The following ZNF704 variants were observed in gnomAD, a reference collection of about 807,000 sequenced individuals.
The protein encoded by ZNF704 is glucocorticoid induced gene 1.
In ZNF704, 10 loss-of-function variants were observed where a neutral mutation model predicts 44.7. The ratio of observed to expected loss-of-function variants is 0.22; its 90% CI spans 0.14 to 0.38. The LOEUF (loss-of-function observed/expected upper bound fraction) is 0.38, where lower values mean the gene tolerates loss of function less well. Ranked by LOEUF, ZNF704 falls within the 10% of genes least tolerant of loss-of-function variation. The pLI, the probability that ZNF704 is intolerant of heterozygous loss-of-function variation, is 1.00. For missense variants in ZNF704, 390 were observed against 545.5 expected (o/e 0.71, Z 2.84); for synonymous variants, 211 against 207.6 (o/e 1.02, Z -0.14).
intron 2 of ZNF704, among the ~76,000 whole-genome samples, chr8:80,816,660 T>A (rs913900111): frequency 6.6e-6 from 1 of 152,212 alleles, no homozygotes; most frequent in African/African-American, 2.4e-5. Flanking sequence ...CCCAACCCAA[T>A]TACTGCTCTC....
At chr8:80,688,041 A>T (rs1585953893) in intron 3 of ZNF704, among the ~76,000 whole-genome samples, 1 of 152,082 alleles carries the variant, frequency 6.6e-6, no homozygotes, top group African/African-American at 2.4e-5. Context: ...CCCTGTCTGT[A>T]CAGAAAAAAT....
intron 2 of ZNF704, among the ~76,000 whole-genome samples, chr8:80,729,876 T>C (rs932527181): frequency 4.6e-5 from 7 of 152,220 alleles, no homozygotes; most frequent in Non-Finnish European, 8.8e-5. Flanking sequence ...AGAGTTTGAT[T>C]ACTGCCGGAA....
At chr8:80,732,472 T>C (rs1036648675) in intron 2 of ZNF704, among the ~76,000 whole-genome samples, 3 of 152,230 alleles carry the variant, frequency 2.0e-5, no homozygotes, top group Admixed American at 6.5e-5. Context: ...CTTGGATTTC[T>C]AGTTCTGAGG....
chr8:80,645,557 ATTCCC>A (rs1817817133), intron 7 of ZNF704, among the ~76,000 whole-genome samples: 1 of 151,996 alleles, frequency 6.6e-6, no homozygotes, highest in Non-Finnish European at 1.5e-5. Context: ...AGCTTGGACC[ATTCCC>A]TTGGTGATAT....
chr8:80,702,712 A>G (rs1818831430), intron 2 of ZNF704, among the ~76,000 whole-genome samples: 1 of 152,160 alleles, frequency 6.6e-6, no homozygotes, highest in East Asian at 1.9e-4. Context: ...GGTTATGAGT[A>G]GGAAGGAGAT....
rs79478243 is a variant in ZNF704, at chr8:80,869,359, T to G, written c.-22+5212A>C. On this transcript the variant is annotated intron_variant, in intron 1 of 8. Transcript: ENST00000327835. Reference sequence around the variant, plus strand: ...ATTCATCTCCCTAGTACATTTGCTCTCAATGCCTTCAGCTCTTACTTCAAA... The same window carrying G: ...ATTCATCTCCCTAGTACATTTGCTCGCAATGCCTTCAGCTCTTACTTCAAA... Among the ~76,000 whole-genome samples the G allele has an allele frequency of 5.2e-3, 793 of 152,332 alleles. 6 individuals are homozygous for G. The highest frequency in any genetic ancestry group is 0.018 in the African/African-American group (751 of 41,558).
intron 2 of ZNF704, among the ~76,000 whole-genome samples, chr8:80,700,718 T>A (rs1328353344): frequency 1.3e-5 from 2 of 152,190 alleles, no homozygotes; most frequent in African/African-American, 4.8e-5. Context: ...ATGTTAACAA[T>A]TGTTGAAGCC....
At chr8:80,851,411 T>C (rs1293699724) in intron 1 of ZNF704, among the ~76,000 whole-genome samples, 3 of 152,192 alleles carry the variant, frequency 2.0e-5, no homozygotes, top group African/African-American at 4.8e-5. Context: ...GATGAGTTCA[T>C]GTCCTTTGTA....
At chr8:80,754,768 T>G (rs967931639) in intron 2 of ZNF704, among the ~76,000 whole-genome samples, 8 of 152,172 alleles carry the variant, frequency 5.3e-5, no homozygotes, top group Non-Finnish European at 1.0e-4. Context: ...TGAGCAGAAG[T>G]GACATGTGTT....
At chr8:80,758,043 T>C (rs1807066255) in intron 2 of ZNF704, among the ~76,000 whole-genome samples, 1 of 152,358 alleles carries the variant, frequency 6.6e-6, no homozygotes, top group Non-Finnish European at 1.5e-5. Flanking sequence ...GATACACTCA[T>C]TGTCCAGACT....
rs543934942 is a variant in ZNF704 at position 80,645,964 on chromosome 8, T to G, written c.1033-2835A>C. On this transcript the variant is annotated intron_variant, in intron 7 of 8. Coordinates refer to ENST00000327835, the MANE Select transcript of ZNF704 (RefSeq NM_001033723.3). Reference sequence around the variant, plus strand: ...GGTGATTAGGCTATGAGGGCTCCACTCCCATGGGTGGGATTAGTGTTCTGC... The same window carrying G: ...GGTGATTAGGCTATGAGGGCTCCACGCCCATGGGTGGGATTAGTGTTCTGC... Among the ~76,000 whole-genome samples, 13 of 152,282 alleles carry G rather than the reference T, an allele frequency of 8.5e-5. No individual in the cohort carries two copies. The South Asian group carries it at 2.7e-3, about 32-fold the overall frequency.
At chr8:80,795,179 A>G (rs566551985) in intron 2 of ZNF704, among the ~76,000 whole-genome samples, 1 of 152,340 alleles carries the variant, frequency 6.6e-6, no homozygotes, top group South Asian at 2.1e-4. Flanking sequence ...AAGCACCAGC[A>G]CCTAAAAATG....
At chr8:80,822,920 T>G (rs1290655704) in intron 1 of ZNF704, among the ~76,000 whole-genome samples, 1 of 152,232 alleles carries the variant, frequency 6.6e-6, no homozygotes, top group East Asian at 1.9e-4. Flanking sequence ...TAAATTTGTT[T>G]AAGATCTTTG....
chr8:80,866,723 G>A (rs532100817), intron 1 of ZNF704, among the ~76,000 whole-genome samples: 8 of 149,992 alleles, frequency 5.3e-5, no homozygotes, highest in Non-Finnish European at 1.0e-4. Flanking sequence ...TGCGGGGTTG[G>A]GGGGGGGATA....
In ZNF704 at chr8:80,846,150, T is replaced by C. The variant is rs753232574; in HGVS notation, c.-21-24535A>G. 5.6e-4 allele frequency among the ~76,000 whole-genome samples: 85 copies of C among 152,286 alleles called. No individual in the cohort carries two copies. In the Middle Eastern group the frequency reaches 0.014, roughly 24 times the overall value. ...CCAGTTTTTTGATTTTGTAGAGATT[T>C]GCCTCTCCACCTAAGTAATGCAGGC... On this transcript the variant is annotated intron_variant, in intron 1 of 8. Transcript: ENST00000327835.
At chr8:80,873,971 C>G (rs988796920) in intron 1 of ZNF704, among the ~76,000 whole-genome samples, 1 of 146,086 alleles carries the variant, frequency 6.8e-6, no homozygotes, top group African/African-American at 2.5e-5. Context: ...GGGCGCCGGC[C>G]CGGCAGGCTG....
intron 1 of ZNF704, among the ~76,000 whole-genome samples, chr8:80,863,103 A>G (rs896438610): frequency 6.6e-6 from 1 of 152,142 alleles, no homozygotes; most frequent in African/African-American, 2.4e-5. Flanking sequence ...CATTTTTTCA[A>G]ATAGGTACTC....
At position 80,718,637 on chromosome 8, in the gene ZNF704, G is replaced by A. The variant is rs114277838; in HGVS notation, c.222-25530C>T. On this transcript the variant is annotated intron_variant, in intron 2 of 8. Transcript: ENST00000327835. ...GATCCAAGGCAGATGAGAGTCATGA[G>A]GAGTGAACCTAAACCCAAACTGCAG... Among the ~76,000 whole-genome samples, 795 of 152,222 alleles carry A rather than the reference G, an allele frequency of 5.2e-3. 6 individuals are homozygous for A. Among genetic ancestry groups the A allele is most frequent in the African/African-American group, 0.018 (766 of 41,534 alleles).
At chr8:80,869,161 T>C (rs1380214049) in intron 1 of ZNF704, among the ~76,000 whole-genome samples, 1 of 152,386 alleles carries the variant, frequency 6.6e-6, no homozygotes, top group Middle Eastern at 3.4e-3. Context: ...CTTGGATTTG[T>C]GCTGGCCCTG....
Sources: gnomAD v4.1 joint callset for allele counts (sites outside exome capture counted in the v4.1 genomes callset) on GRCh38, gnomAD v4.1.1 for gene constraint, MANE v1.5 for transcripts, NCBI Gene and HGNC (gene_info 2026-07-23, HGNC 2026-07-21) for gene names.